The following IGF1R variants were observed in gnomAD, a reference collection of about 807,000 sequenced individuals.
The protein encoded by IGF1R is insulin-like growth factor 1 receptor.
Under a neutral mutation model 144.6 loss-of-function variants are expected in IGF1R, and 44 were observed. That is an observed-to-expected ratio of 0.30 (90% CI 0.24 to 0.39). The LOEUF (loss-of-function observed/expected upper bound fraction) is 0.39, where lower values mean the gene tolerates loss of function less well. Ranked by LOEUF, IGF1R falls within the 10% of genes least tolerant of loss-of-function variation. IGF1R has a pLI of 1.00. For synonymous variants in IGF1R, 795 were observed against 722.8 expected (o/e 1.10, Z -1.60); for missense variants, 1,355 against 1,833.7 (o/e 0.74, Z 4.77).
At chr15:98,764,406 T>G (rs2055383450) in intron 2 of IGF1R, among the ~76,000 whole-genome samples, 1 of 152,216 alleles carries the variant, frequency 6.6e-6, no homozygotes, top group Admixed American at 6.5e-5. Flanking sequence ...ATAAAAATTA[T>G]GTGCTAAAAT....
At chr15:98,909,214 T>A (rs921260586) in intron 6 of IGF1R, among the ~76,000 whole-genome samples, 3 of 152,116 alleles carry the variant, frequency 2.0e-5, no homozygotes, top group Non-Finnish European at 4.4e-5. Context: ...AGGTGCACAG[T>A]TAGATATTTC....
intron 2 of IGF1R, among the ~76,000 whole-genome samples, chr15:98,724,015 A>C (rs1051382119): frequency 6.6e-6 from 1 of 152,194 alleles, no homozygotes; most frequent in African/African-American, 2.4e-5. Flanking sequence ...GTTTAGGCCA[A>C]TCCATTTAAT....
In IGF1R at chr15:98,903,102, G is replaced by A. The variant is rs181734205; in HGVS notation, c.1247+3481G>A. Among the ~76,000 whole-genome samples, 56 of 152,270 alleles carry A rather than the reference G, an allele frequency of 3.7e-4. 1 individual carries two copies. Among genetic ancestry groups the A allele is most frequent in the Admixed American group, 2.7e-3 (42 of 15,300 alleles). On this transcript the variant is annotated intron_variant, in intron 5 of 20. Transcript: ENST00000650285. ...CTTAGACATTAAGAAAATCAAGACC[G>A]CTCTGCTGTTTACAAAGGAAACAGG...
chr15:98,736,433 TCTC>T (rs2054609844), intron 2 of IGF1R, among the ~76,000 whole-genome samples: 1 of 152,148 alleles, frequency 6.6e-6, no homozygotes. Context: ...AAGGCTTTCT[TCTC>T]TTTCAGTTTT....
At chr15:98,804,046 G>A (rs1230468991) in intron 2 of IGF1R, among the ~76,000 whole-genome samples, 20 of 152,128 alleles carry the variant, frequency 1.3e-4, no homozygotes, top group Admixed American at 1.3e-3. Context: ...TAGGCAATAG[G>A]AATTTTCTAG....
intron 2 of IGF1R, among the ~76,000 whole-genome samples, chr15:98,829,093 T>G (rs922683354): frequency 1.3e-5 from 2 of 152,154 alleles, no homozygotes; most frequent in African/African-American, 4.8e-5. Flanking sequence ...AGAAAAACTT[T>G]ATTAATTTAA....
intron 1 of IGF1R, among the ~76,000 whole-genome samples, chr15:98,691,997 A>G (rs2053488243): frequency 6.6e-6 from 1 of 152,144 alleles, no homozygotes; most frequent in Non-Finnish European, 1.5e-5. Context: ...TGGTGTTATT[A>G]GATTGGTAAT....
chr15:98,894,789 A>G (rs115163385), intron 3 of IGF1R, among the ~76,000 whole-genome samples: 3,458 of 152,188 alleles, frequency 0.023, 142 homozygotes, highest in African/African-American at 0.079. Context: ...CTATCTCAGC[A>G]CCTTGGGAGG....
intron 10 of IGF1R, among the ~76,000 whole-genome samples, chr15:98,920,226 T>G (rs1438127501): frequency 6.6e-6 from 1 of 152,184 alleles, no homozygotes; most frequent in East Asian, 1.9e-4. Flanking sequence ...TGTAGTTGTT[T>G]ACCAAAAAAA....
intron 2 of IGF1R, among the ~76,000 whole-genome samples, chr15:98,720,021 T>G (rs2054210680): frequency 6.6e-6 from 1 of 152,222 alleles, no homozygotes; most frequent in Admixed American, 6.5e-5. Context: ...TATTATGAGC[T>G]AGTTCAGATT....
At chr15:98,650,506 C>T (rs548483548) in intron 1 of IGF1R, among the ~76,000 whole-genome samples, 2 of 152,370 alleles carry the variant, frequency 1.3e-5, no homozygotes, top group Admixed American at 6.5e-5. Flanking sequence ...CTCCCAGTTT[C>T]TCCCGGGCCG....
chr15:98,928,451 G>A (rs1302520322), intron 13 of IGF1R, among the ~76,000 whole-genome samples: 1 of 152,222 alleles, frequency 6.6e-6, no homozygotes, highest in Non-Finnish European at 1.5e-5. Context: ...AATCTGATCA[G>A]TTCACTGCTG....
chr15:98,762,645 T>G (rs1193307624), intron 2 of IGF1R, among the ~76,000 whole-genome samples: 3 of 151,734 alleles, frequency 2.0e-5, no homozygotes, highest in Admixed American at 6.6e-5. Context: ...GGAGAATTGC[T>G]TGAACCCGGG....
chr15:98,812,223 T>C (rs1363248502), intron 2 of IGF1R, among the ~76,000 whole-genome samples: 1 of 152,208 alleles, frequency 6.6e-6, no homozygotes, highest in Non-Finnish European at 1.5e-5. Context: ...GATTGTGTTA[T>C]CGTCCTGAAG....
chr15:98,901,153 T>C (rs2151659285), intron 5 of IGF1R, among the ~76,000 whole-genome samples: 1 of 152,320 alleles, frequency 6.6e-6, no homozygotes, highest in East Asian at 1.9e-4. Flanking sequence ...ATCAGCAAAA[T>C]CTTTTTAAGG....
At chr15:98,783,265 T>G (rs1170414843) in intron 2 of IGF1R, among the ~76,000 whole-genome samples, 2 of 152,228 alleles carry the variant, frequency 1.3e-5, no homozygotes, top group Non-Finnish European at 2.9e-5. Context: ...GTTAATATAG[T>G]AAGGATATAT....
chr15:98,822,674 C>G (rs529343912), intron 2 of IGF1R, among the ~76,000 whole-genome samples: 1 of 152,214 alleles, frequency 6.6e-6, no homozygotes, highest in Admixed American at 6.5e-5. Flanking sequence ...TAATCGTGCT[C>G]GAACTCTCCA....
At chr15:98,911,259 G>A (rs1596438213) in intron 6 of IGF1R, 56 bp from the exon 7 acceptor site, 20 of 1,610,710 alleles carry the variant, frequency 1.2e-5, no homozygotes, top group South Asian at 1.1e-4. Flanking sequence ...AGCAAGACAG[G>A]TGCTTTTCAG....
At chr15:98,747,838 A>AT (rs1441828651) in intron 2 of IGF1R, among the ~76,000 whole-genome samples, 1 of 152,082 alleles carries the variant, frequency 6.6e-6, no homozygotes, top group Non-Finnish European at 1.5e-5. Flanking sequence ...AGTATCACTA[A>AT]TTTGTTGGGA....
Sources: allele counts gnomAD v4.1 joint callset (sites outside exome capture counted in the v4.1 genomes callset), GRCh38; gene constraint gnomAD v4.1.1; transcripts MANE v1.5; gene names NCBI Gene and HGNC (gene_info 2026-07-23, HGNC 2026-07-21).